Variants in LRMDA observed in about 807,000 individuals in gnomAD.
The protein encoded by LRMDA is leucine rich melanocyte differentiation associated.
In LRMDA, 18 loss-of-function variants were observed where a neutral mutation model predicts 29.8. The ratio of observed to expected loss-of-function variants is 0.60; its 90% CI spans 0.42 to 0.90. The LOEUF is 0.90. LRMDA is among the 40% of genes least tolerant of loss of function. LRMDA has a pLI of 0.00. For synonymous variants in LRMDA, 125 were observed against 109.4 expected (o/e 1.14, Z -0.89); for missense variants, 273 against 273.9 (o/e 1.00, Z 0.02).
intron 2 of LRMDA, among the ~76,000 whole-genome samples, chr10:75,675,889 T>G (rs1241839381): frequency 5.3e-5 from 8 of 152,208 alleles, no homozygotes; most frequent in Non-Finnish European, 7.3e-5. Context: ...TTCTGCCCAC[T>G]TTAGTTTGGA....
intron 2 of LRMDA, among the ~76,000 whole-genome samples, chr10:75,515,111 G>C (rs1010679510): frequency 6.6e-6 from 1 of 152,190 alleles, no homozygotes; most frequent in Admixed American, 6.5e-5. Flanking sequence ...ATTAGGTTAA[G>C]TGAAAGAAGC....
At chr10:76,413,132 T>C (rs1841980348) in intron 6 of LRMDA, among the ~76,000 whole-genome samples, 1 of 152,178 alleles carries the variant, frequency 6.6e-6, no homozygotes, top group Non-Finnish European at 1.5e-5. Context: ...CTCACATCCC[T>C]TAATTGTGAC....
At chr10:75,991,787 C>T (rs1847374268) in intron 2 of LRMDA, among the ~76,000 whole-genome samples, 1 of 152,180 alleles carries the variant, frequency 6.6e-6, no homozygotes, top group Admixed American at 6.5e-5. Flanking sequence ...GCCAAGCTCA[C>T]AGAGTTAAAT....
At chr10:75,869,426 AC>A (rs1390669189) in intron 2 of LRMDA, among the ~76,000 whole-genome samples, 2 of 152,152 alleles carry the variant, frequency 1.3e-5, no homozygotes, top group Non-Finnish European at 2.9e-5. Flanking sequence ...GATATATCAA[AC>A]TAGCTGTCTT....
At chr10:76,480,670 T>C (rs539986526) in intron 6 of LRMDA, among the ~76,000 whole-genome samples, 7 of 151,928 alleles carry the variant, frequency 4.6e-5, no homozygotes, top group East Asian at 1.9e-4. Flanking sequence ...AACAACCAAT[T>C]TGATGGTTTG....
At chr10:75,624,017 C>T (rs754210928) in intron 2 of LRMDA, among the ~76,000 whole-genome samples, 1 of 152,112 alleles carries the variant, frequency 6.6e-6, no homozygotes, top group Admixed American at 6.6e-5. Context: ...CGGGAATATA[C>T]GGAGCAAAAT....
chr10:76,517,315 C>T (rs890491476), intron 6 of LRMDA, among the ~76,000 whole-genome samples: 2 of 151,994 alleles, frequency 1.3e-5, no homozygotes, highest in Non-Finnish European at 2.9e-5. Flanking sequence ...TGCAGAGCAC[C>T]AAAAACAAAG....
intron 2 of LRMDA, among the ~76,000 whole-genome samples, chr10:75,583,105 CTCTTA>C (rs1228242033): frequency 3.3e-5 from 5 of 152,206 alleles, no homozygotes; most frequent in Non-Finnish European, 7.3e-5. Context: ...TCCAAATTTT[CTCTTA>C]TCTTTCTGTC....
At chr10:76,222,145 A>G (rs1851854375) in intron 5 of LRMDA, among the ~76,000 whole-genome samples, 1 of 152,082 alleles carries the variant, frequency 6.6e-6, no homozygotes, top group Non-Finnish European at 1.5e-5. Flanking sequence ...CTTAAACATT[A>G]GACCTAAAAC....
intron 2 of LRMDA, among the ~76,000 whole-genome samples, chr10:75,901,853 T>C (rs1360408435): frequency 1.3e-5 from 2 of 152,182 alleles, no homozygotes; most frequent in Non-Finnish European, 2.9e-5. Flanking sequence ...GTTTTAGATC[T>C]CGAGGTTTTT....
At chr10:76,122,760 G>A (rs1463133216) in intron 5 of LRMDA, among the ~76,000 whole-genome samples, 1 of 152,100 alleles carries the variant, frequency 6.6e-6, no homozygotes, top group East Asian at 1.9e-4. Context: ...GAACTCTAAG[G>A]ATTTTTTTGT....
intron 6 of LRMDA, among the ~76,000 whole-genome samples, chr10:76,360,869 CA>C (rs1432688576): frequency 3.9e-5 from 6 of 152,178 alleles, no homozygotes; most frequent in African/African-American, 1.4e-4. Flanking sequence ...GAAGAGAGGT[CA>C]GACCAAATTT....
chr10:76,324,377 G>A (rs1218068204), intron 5 of LRMDA, 24 bp from the exon 6 acceptor site: 1 of 1,611,240 alleles, frequency 6.2e-7, no homozygotes, highest in Non-Finnish European at 8.5e-7. Flanking sequence ...GTTGCTTCAT[G>A]TTGACTTTGC....
intron 2 of LRMDA, among the ~76,000 whole-genome samples, chr10:75,548,694 A>T (rs1366650485): frequency 6.6e-6 from 1 of 152,028 alleles, no homozygotes; most frequent in African/African-American, 2.4e-5. Context: ...ATATTCCTTC[A>T]TGTTATTGAA....
At position 75,458,737 on chromosome 10, in the gene LRMDA, A is replaced by G. The variant is rs553849543; in HGVS notation, c.131+20243A>G. Among the ~76,000 whole-genome samples the G allele has an allele frequency of 9.2e-5, 14 of 152,282 alleles. No homozygotes were observed. The South Asian group carries it at 2.3e-3, about 25-fold the overall frequency. On this transcript the variant is annotated intron_variant, in intron 2 of 6. Coordinates refer to ENST00000611255, the MANE Select transcript of LRMDA (RefSeq NM_001305581.2). ...CCCAATTTGCTCTTCCACAGACTGT[A>G]CCTGATGGGACAAGCTTTCCGTCAG...
At chr10:75,556,755 T>G (rs1840219468) in intron 2 of LRMDA, among the ~76,000 whole-genome samples, 1 of 150,004 alleles carries the variant, frequency 6.7e-6, no homozygotes, top group South Asian at 2.1e-4. Context: ...CATGATTGTT[T>G]TTTTTTTTTT....
At chr10:76,429,775 G>C (rs1050022176) in intron 6 of LRMDA, among the ~76,000 whole-genome samples, 2 of 152,114 alleles carry the variant, frequency 1.3e-5, no homozygotes, top group Non-Finnish European at 2.9e-5. Flanking sequence ...CAGCCATGGG[G>C]GCCTGGGCAG....
intron 5 of LRMDA, chr10:76,260,724 A>G (rs1839928014): frequency 6.6e-6 from 1 of 152,136 alleles, no homozygotes; most frequent in Admixed American, 6.5e-5. Flanking sequence ...CTGGATGTCT[A>G]TCTTTCTTCC....
intron 5 of LRMDA, among the ~76,000 whole-genome samples, chr10:76,310,896 G>A (rs1170103655): frequency 6.6e-6 from 1 of 152,194 alleles, no homozygotes; most frequent in Non-Finnish European, 1.5e-5. Context: ...AGAGTTTTAG[G>A]TCTTTCATGA....
Sources: gnomAD v4.1 joint callset for allele counts (sites outside exome capture counted in the v4.1 genomes callset) on GRCh38, gnomAD v4.1.1 for gene constraint, MANE v1.5 for transcripts, NCBI Gene and HGNC (gene_info 2026-07-23, HGNC 2026-07-21) for gene names.